The following MATR3 variants were observed in gnomAD, a reference collection of about 807,000 sequenced individuals.
MATR3 encodes matrin 3.
MATR3 carries 4 observed loss-of-function variants against 85.5 expected under a neutral mutation model. That is an observed-to-expected ratio of 0.05 (90% CI 0.02 to 0.11). The LOEUF (loss-of-function observed/expected upper bound fraction) is 0.11. MATR3 is among the 10% of genes least tolerant of loss of function. The pLI is 1.00. For missense variants in MATR3, 685 were observed against 1,016.1 expected (o/e 0.67, Z 4.43); for synonymous variants, 336 against 343.1 (o/e 0.98, Z 0.23).
chr5:139,320,047 G>C (rs1442227048), intron 9 of MATR3, among the ~76,000 whole-genome samples: 1 of 148,538 alleles, frequency 6.7e-6, no homozygotes, highest in Non-Finnish European at 1.5e-5. Flanking sequence ...AGTGGCTCAC[G>C]CCTGTAATCC....
chr5:139,281,361 T>TTG (rs920507589), intron 3 of MATR3, among the ~76,000 whole-genome samples: 5 of 147,100 alleles, frequency 3.4e-5, no homozygotes, highest in Middle Eastern at 3.5e-3. Context: ...TTTTTGTTTT[T>TTG]TTTTTTTTTT....
At chr5:139,289,878 G>A (rs1753817502), upstream of MATR3, among the ~76,000 whole-genome samples, 1 of 152,242 alleles carries the variant, frequency 6.6e-6, no homozygotes, top group African/African-American at 2.4e-5. Context: ...TCACGCTTCA[G>A]TGGAAGCAAC....
chr5:139,292,586 C>T (rs1299656025), upstream of MATR3, among the ~76,000 whole-genome samples: 5 of 152,150 alleles, frequency 3.3e-5, no homozygotes, highest in East Asian at 9.6e-4. Flanking sequence ...TGCATTCAGT[C>T]AAATTCACCA....
intron 2 of MATR3, among the ~76,000 whole-genome samples, chr5:139,308,652 A>AT (rs894945857): frequency 2.8e-4 from 42 of 151,802 alleles, no homozygotes; most frequent in African/African-American, 3.9e-4. Flanking sequence ...TGTTTTAAGT[A>AT]TTTTTTTTGC....
intron 2 of MATR3, chr5:139,310,889 C>T (rs1754934746): frequency 6.6e-6 from 1 of 152,108 alleles, no homozygotes; most frequent in Non-Finnish European, 1.5e-5. Context: ...GCAACCTCCG[C>T]CTCCCAGGTT....
At chr5:139,312,318 A>T (rs1755029345) in intron 2 of MATR3, 1 of 151,900 alleles carries the variant, frequency 6.6e-6, no homozygotes, top group Non-Finnish European at 1.5e-5. Context: ...GGCTGGTCTC[A>T]AACTCCTGGG....
intron 1 of MATR3, among the ~76,000 whole-genome samples, chr5:139,302,610 G>A (rs1754507183): frequency 6.6e-6 from 1 of 152,156 alleles, no homozygotes; most frequent in African/African-American, 2.4e-5. Flanking sequence ...TGGTTTGAAA[G>A]TCCTGACCGC....
intron 2 of MATR3, chr5:139,276,194 G>A (rs767281390): frequency 2.4e-5 from 11 of 456,596 alleles, no homozygotes; most frequent in Non-Finnish European, 4.4e-5. Flanking sequence ...GCTGTAGGCA[G>A]CTGCCTAGGT....
rs1291862870 is a variant in MATR3, at chr5:139,317,648, G to A, written c.1235G>A (p.Arg412Lys). The A allele has an allele frequency of 1.3e-5, 21 of 1,611,522 alleles. No individual in the cohort carries two copies. Among genetic ancestry groups the A allele is most frequent in the Admixed American group, 1.7e-5 (1 of 59,996 alleles). ...IMDFQRGKNL[R>K]YQLLQLVEPF... ...GATTTTCAACGAGGGAAAAACTTGA[G>A]ATACCAGCTATTACAGCTGGTAGAA... Residue 412 changes from arginine (R) to lysine (K), a missense_variant, in exon 7 of 15, where the codon AGA (arginine) becomes AAA (lysine). Around this residue, in one of 9 missense-constraint regions of MATR3, gnomAD observed 32 missense variants for 88.0 expected, o/e 0.36. Coordinates refer to ENST00000394805, the MANE Select transcript of MATR3 (RefSeq NM_018834.6).
At chr5:139,289,698 C>A (rs1482960652), upstream of MATR3, among the ~76,000 whole-genome samples, 1 of 152,210 alleles carries the variant, frequency 6.6e-6, no homozygotes. Flanking sequence ...TCCAACAATT[C>A]CTTCGTTAAG....
chr5:139,326,132 A>G (rs1755841559), intron 13 of MATR3, 31 bp from the exon 14 acceptor site: 1 of 1,534,814 alleles, frequency 6.5e-7, no homozygotes, highest in Non-Finnish European at 9.0e-7. Context: ...TCTTCAGTTT[A>G]ATTTGTAAGA....
intron 3 of MATR3, among the ~76,000 whole-genome samples, chr5:139,284,208 G>T (rs914642426): frequency 1.3e-5 from 2 of 152,126 alleles, no homozygotes; most frequent in African/African-American, 4.8e-5. Context: ...TCTTATAAAA[G>T]AATTTTTTTG....
Position 139,330,832 on chromosome 5 carries a change from CTG to C in MATR3, c.*1439_*1440del, listed in dbSNP as rs1756106944. On this transcript the variant is annotated 3_prime_UTR_variant, in exon 15 of 15. Transcript: ENST00000394805. ...TTCTTCCCTGACACAGGGTCTCACT[CTG>C]TCACCCAGACTGGAGTGCAGTGGCA... 2.2e-6 allele frequency: 1 copy of C among 454,014 alleles called. No individual in the cohort carries two copies. The highest frequency in any genetic ancestry group is 4.4e-6 in the Non-Finnish European group (1 of 226,806). 28.1% of individuals were successfully genotyped at this position (454,014 alleles called of 1,614,324 possible). A position where few individuals can be genotyped will look rare whatever the true frequency, so the allele number is the denominator to read the frequency against.
chr5:139,300,010 G>A (rs1272324628), intron 1 of MATR3: 4 of 152,108 alleles, frequency 2.6e-5, no homozygotes, highest in East Asian at 1.9e-4. Flanking sequence ...GAAGGAAGAT[G>A]TTTAATTTTT....
intron 1 of MATR3, among the ~76,000 whole-genome samples, chr5:139,301,368 G>A (rs1754430730): frequency 6.6e-6 from 1 of 151,880 alleles, no homozygotes; most frequent in African/African-American, 2.4e-5. Flanking sequence ...CACCCAGGCT[G>A]GAGTACAGTG....
intron 9 of MATR3, among the ~76,000 whole-genome samples, chr5:139,321,586 C>G (rs948169960): frequency 1.3e-5 from 2 of 152,112 alleles, no homozygotes. Context: ...AGCCCGAGAC[C>G]AGTCTAGGCA....
intron 12 of MATR3, among the ~76,000 whole-genome samples, chr5:139,323,177 A>G (rs1272372795): frequency 2.0e-5 from 3 of 152,208 alleles, no homozygotes; most frequent in South Asian, 4.1e-4. Flanking sequence ...CATCAGCTCA[A>G]AGAGGAAACT....
intron 14 of MATR3, among the ~76,000 whole-genome samples, 185 bp from the exon 15 acceptor site, chr5:139,329,160 C>T (rs553819158): frequency 3.3e-5 from 5 of 152,056 alleles, no homozygotes; most frequent in African/African-American, 1.2e-4. Flanking sequence ...ATTTTTTCCC[C>T]GTGCCTTATT....
intron 3 of MATR3, among the ~76,000 whole-genome samples, chr5:139,285,018 A>G (rs1272657197): frequency 1.3e-5 from 2 of 152,198 alleles, no homozygotes; most frequent in South Asian, 2.1e-4. Context: ...CAACAGCCCT[A>G]CAAGGTACAT....
Sources: gnomAD v4.1 joint callset for allele counts (sites outside exome capture counted in the v4.1 genomes callset) on GRCh38, gnomAD v4.1.1 for gene constraint, gnomAD v4.1.1 regional missense constraint, MANE v1.5 for transcripts, NCBI Gene and HGNC (gene_info 2026-07-23, HGNC 2026-07-21) for gene names.